The following SLC12A6 variants were observed in gnomAD, a reference collection of about 807,000 sequenced individuals.
The protein encoded by SLC12A6 is K-Cl cotransporter 3.
A neutral mutation model predicts 135.3 loss-of-function variants in SLC12A6; 66 were observed. That is an observed-to-expected ratio of 0.49 (90% CI 0.40 to 0.60). The LOEUF (loss-of-function observed/expected upper bound fraction) is 0.60, where lower values mean the gene tolerates loss of function less well. Among genes scored for constraint, SLC12A6 ranks in the 20% least tolerant of loss-of-function variants. The pLI is 0.00. For missense variants in SLC12A6, 1,058 were observed against 1,452.3 expected, an observed-to-expected ratio of 0.73 and a Z score of 4.41; for synonymous variants, 513 against 508.8, an observed-to-expected ratio of 1.01 and a Z score of -0.11.
In SLC12A6 at chr15:34,292,541, G is replaced by A. The variant is rs1413415040; in HGVS notation, c.272-17152C>T. Among the ~76,000 whole-genome samples, 6 of 152,180 alleles carry A rather than the reference G, an allele frequency of 3.9e-5. No homozygotes were observed. The South Asian group carries it at 6.2e-4, about 16-fold the overall frequency. On this transcript the variant is annotated intron_variant, in intron 2 of 25. Transcript: ENST00000354181. ...CTCTTCAGAGCTGTCCAGGAGGGACGTTTAAGTCTGGAGAAGCTGTCTGCT... is the reference window on the plus strand; with the variant it reads ...CTCTTCAGAGCTGTCCAGGAGGGACATTTAAGTCTGGAGAAGCTGTCTGCT...
At chr15:34,234,024 T>C (rs780397219) in intron 25 of SLC12A6, 52 bp from the exon 26 acceptor site, 3 of 902,200 alleles carry the variant, frequency 3.3e-6, no homozygotes, top group Non-Finnish European at 5.7e-6. Flanking sequence ...ACTTAAAACC[T>C]GGCATCATCA....
At chr15:34,277,242 G>A (rs541818149) in intron 2 of SLC12A6, among the ~76,000 whole-genome samples, 12 of 152,240 alleles carry the variant, frequency 7.9e-5, no homozygotes, top group African/African-American at 2.6e-4. Flanking sequence ...AAACCAGCCT[G>A]AGCAACATAG....
rs1156592804 is a variant in SLC12A6, at chr15:34,250,839, G to A, written c.1492+60C>T. 15 of 1,482,754 alleles carry A rather than the reference G, an allele frequency of 1.0e-5. No individual in the cohort carries two copies. In the Middle Eastern group the frequency reaches 6.8e-4, roughly 67 times the overall value. 91.8% of individuals were successfully genotyped at this position (1,482,754 alleles called of 1,614,324 possible). Reference sequence around the variant, plus strand: ...AGGAACCCTGAGAATTCTGCCTCCTGAGAAAAATCACTCCGTGGGTCTGAC... The same window carrying A: ...AGGAACCCTGAGAATTCTGCCTCCTAAGAAAAATCACTCCGTGGGTCTGAC... On this transcript the variant is annotated intron_variant, in intron 11 of 25. Coordinates refer to ENST00000354181, the MANE Select transcript of SLC12A6 (RefSeq NM_001365088.1).
chr15:34,245,257 A>G (rs771579757), intron 15 of SLC12A6, 28 bp downstream of exon 15: 2 of 1,151,176 alleles, frequency 1.7e-6, no homozygotes, highest in Non-Finnish European at 2.6e-6. Context: ...TTAAGCAAGA[A>G]TAACTGAAGA....
At chr15:34,239,449 G>C (rs936015980) in intron 19 of SLC12A6, among the ~76,000 whole-genome samples, 7 of 152,150 alleles carry the variant, frequency 4.6e-5, no homozygotes, top group African/African-American at 1.7e-4. Context: ...ACTGGGAACA[G>C]GGATCTCTAC....
intron 2 of SLC12A6, among the ~76,000 whole-genome samples, chr15:34,296,675 G>A (rs1895895810): frequency 6.6e-6 from 1 of 152,198 alleles, no homozygotes; most frequent in South Asian, 2.1e-4. Context: ...CCATATCGAT[G>A]CGTTGCTAAT....
rs75162601 is a variant in SLC12A6, at chr15:34,250,943, G to A, written c.1448C>T (p.Thr483Ile). Reference protein sequence around the residue: ...NHEYVLVDITTSFTLLVGIFF... With the variant: ...NHEYVLVDITISFTLLVGIFF... ...GATTCCCACCAGAAGCGTGAAGGAG[G>A]TGGTGATGTCAACAAGAACATATTC... The change falls in exon 11 of 26, where the codon ACC (threonine) becomes ATC (isoleucine). Residue 483 changes from threonine (T) to isoleucine (I), a missense_variant. Thr to Ile is a moderately conservative substitution (Grantham distance 89). Coordinates refer to ENST00000354181, the MANE Select transcript of SLC12A6 (RefSeq NM_001365088.1). 2 of 1,612,296 alleles carry A rather than the reference G, an allele frequency of 1.2e-6. No individual in the cohort carries two copies. The highest frequency in any genetic ancestry group is 1.3e-5 in the African/African-American group (1 of 74,994).
At chr15:34,277,583 G>A (rs1894386398) in intron 2 of SLC12A6, among the ~76,000 whole-genome samples, 1 of 152,124 alleles carries the variant, frequency 6.6e-6, no homozygotes, top group African/African-American at 2.4e-5. Flanking sequence ...AAACAAGCAT[G>A]TAGCTGGCAT....
At chr15:34,317,453 C>G (rs918614906) in intron 2 of SLC12A6, among the ~76,000 whole-genome samples, 9 of 152,160 alleles carry the variant, frequency 5.9e-5, no homozygotes, top group African/African-American at 2.2e-4. Context: ...CCTGTAATCC[C>G]AGCACTTTGG....
At chr15:34,260,209 T>C (rs1472938776) in intron 4 of SLC12A6, among the ~76,000 whole-genome samples, 5 of 152,172 alleles carry the variant, frequency 3.3e-5, no homozygotes, top group Admixed American at 2.0e-4. Context: ...CAGTTATTAT[T>C]TGACAATTAA....
chr15:34,265,412 AAAAC>A (rs1173824907), intron 3 of SLC12A6, among the ~76,000 whole-genome samples: 1 of 150,698 alleles, frequency 6.6e-6, no homozygotes, highest in African/African-American at 2.4e-5. Context: ...TAAAAAAAAA[AAAAC>A]AAACAAAAAA....
intron 2 of SLC12A6, among the ~76,000 whole-genome samples, chr15:34,299,266 C>T (rs185112357): frequency 2.9e-4 from 44 of 152,252 alleles, no homozygotes; most frequent in African/African-American, 9.6e-4. Context: ...AGGGTGAACT[C>T]GAAAAACTTC....
intron 2 of SLC12A6, among the ~76,000 whole-genome samples, chr15:34,280,214 T>C (rs553985473): frequency 6.6e-6 from 1 of 152,346 alleles, no homozygotes; most frequent in East Asian, 1.9e-4. Context: ...AGCTGGTATC[T>C]TGTAGCTAAA....
At chr15:34,243,182 A>G (rs1237729021) in intron 16 of SLC12A6, among the ~76,000 whole-genome samples, 1 of 152,152 alleles carries the variant, frequency 6.6e-6, no homozygotes, top group African/African-American at 2.4e-5. Flanking sequence ...ATGAGCCACC[A>G]CGCCCGGCCT....
chr15:34,335,864 C>A (rs1258380289), intron 2 of SLC12A6, among the ~76,000 whole-genome samples: 1 of 152,184 alleles, frequency 6.6e-6, no homozygotes, highest in Non-Finnish European at 1.5e-5. Context: ...ATTAGGTCTA[C>A]CCACCATCAC....
chr15:34,243,768 C>T (rs190240975), intron 16 of SLC12A6, among the ~76,000 whole-genome samples: 3 of 152,136 alleles, frequency 2.0e-5, no homozygotes, highest in Admixed American at 1.3e-4. Context: ...TTGCTCTATT[C>T]GTATTGGGTG....
rs775029824 is a variant in SLC12A6, at chr15:34,237,452, T to C, written c.2901A>G (p.Leu967=). The C allele has an allele frequency of 6.2e-7, 1 of 1,613,290 alleles. No homozygotes were observed. Among genetic ancestry groups the C allele is most frequent in the Admixed American group, 1.7e-5 (1 of 59,982 alleles). Residue 967 remains leucine (L), a synonymous_variant, in exon 22 of 26, where the codon TTA becomes TTG. Coordinates refer to ENST00000354181, the MANE Select transcript of SLC12A6 (RefSeq NM_001365088.1). ...CCACTTCTACCTCCGCCTCAATGCGTAAGTGATATAGGAAGGTGGCTAGGT... is the reference window on the plus strand; with the variant it reads ...CCACTTCTACCTCCGCCTCAATGCGCAAGTGATATAGGAAGGTGGCTAGGT... The part of the protein sequence containing the change: ...KKDLATFLYH[L]RIEAEVEVVE...
chr15:34,235,047 C>T, intron 25 of SLC12A6, 134 bp downstream of exon 25: 1 of 858,980 alleles, frequency 1.2e-6, no homozygotes, highest in African/African-American at 1.7e-5. Context: ...AAATCCTTGC[C>T]TAGGACTTTT....
At chr15:34,285,704 G>GTACATA (rs1895007476) in intron 2 of SLC12A6, among the ~76,000 whole-genome samples, 1 of 628 alleles carries the variant, frequency 1.6e-3, no homozygotes, top group Non-Finnish European at 2.7e-3. Context: ...GTGTGTGTGT[G>GTACATA]TGTGTGTGTT....
Sources: allele counts gnomAD v4.1 joint callset (sites outside exome capture counted in the v4.1 genomes callset), GRCh38; gene constraint gnomAD v4.1.1; transcripts MANE v1.5; gene names NCBI Gene and HGNC (gene_info 2026-07-23, HGNC 2026-07-21).